Variants in USP28 observed in about 807,000 individuals in gnomAD.
USP28 encodes ubiquitin carboxyl-terminal hydrolase 28.
A neutral mutation model predicts 145.0 loss-of-function variants in USP28; 113 were observed. The ratio of observed to expected loss-of-function variants is 0.78; its 90% confidence interval spans 0.67 to 0.91. The LOEUF is 0.91. Ranked by LOEUF, USP28 falls within the 40% of genes least tolerant of loss-of-function variation. The probability of loss-of-function intolerance (pLI) is 0.00; values close to 1 mark genes in which losing one functional copy is unlikely to be tolerated. For synonymous variants in USP28, 447 were observed against 450.9 expected (o/e 0.99, Z 0.11); for missense variants, 1,201 against 1,289.6 (o/e 0.93, Z 1.05).
chr11:113,865,262 T>A (rs1948143402), intron 1 of USP28, among the ~76,000 whole-genome samples: 1 of 152,172 alleles, frequency 6.6e-6, no homozygotes, highest in Non-Finnish European at 1.5e-5. Context: ...CGGGGAACTC[T>A]AGTGAAAACC....
intron 12 of USP28, chr11:113,820,983 G>A: frequency 5.8e-6 from 1 of 173,338 alleles, no homozygotes; most frequent in South Asian, 1.4e-4. Context: ...TCCCAATTCA[G>A]CAGATTCTTG....
chr11:113,834,176 A>T, intron 6 of USP28, 73 bp downstream of exon 6: 1 of 1,154,194 alleles, frequency 8.7e-7, no homozygotes. Flanking sequence ...TATCAGCTTT[A>T]GGCAAAAATC....
intron 3 of USP28, among the ~76,000 whole-genome samples, chr11:113,849,737 TTC>T (rs1024817840): frequency 6.6e-6 from 1 of 152,166 alleles, no homozygotes; most frequent in African/African-American, 2.4e-5. Flanking sequence ...ATAAGAACTG[TTC>T]TGTCTGCCAG....
intron 19 of USP28, 95 bp downstream of exon 20, chr11:113,806,394 C>T: frequency 9.4e-7 from 1 of 1,061,102 alleles, no homozygotes; most frequent in Non-Finnish European, 1.4e-6. Flanking sequence ...CCACCACACC[C>T]AGCCTTAACC....
intron 3 of USP28, among the ~76,000 whole-genome samples, chr11:113,844,742 A>G (rs1161889933): frequency 1.3e-5 from 2 of 150,992 alleles, no homozygotes; most frequent in African/African-American, 4.8e-5. Flanking sequence ...TCAAAAAATA[A>G]TATTAATAAT....
chr11:113,817,828 T>C, exon 13 of USP28: 2 of 1,614,146 alleles, frequency 1.2e-6, no homozygotes, highest in Non-Finnish European at 8.5e-7. Flanking sequence ...CTGAGCCATA[T>C]TTCACATACC....
intron 13 of USP28, among the ~76,000 whole-genome samples, chr11:113,815,904 A>G (rs1471541888): frequency 6.6e-6 from 1 of 152,228 alleles, no homozygotes; most frequent in Non-Finnish European, 1.5e-5. Flanking sequence ...ACAGGAATAC[A>G]CACTAGGTGA....
chr11:113,841,885 G>C lies in USP28; in HGVS notation c.269-117C>G, dbSNP rs949817871. 5.3e-5 allele frequency: 31 copies of C among 579,826 alleles called. No homozygotes were observed. In the East Asian group the frequency reaches 9.4e-4, roughly 18 times the overall value. The allele number at this position is 579,826 out of a possible 1,614,324, so 35.9% of individuals were successfully genotyped here. ...TTCACTACAACAATGGCTCAACTGT[G>C]TAACAATTTTATTACCCTACTGCAT... On this transcript the variant is annotated intron_variant, in intron 3 of 24. Coordinates refer to ENST00000003302, the Ensembl canonical transcript of USP28.
At chr11:113,833,661 C>T (rs1330943672) in intron 6 of USP28, 104 bp from the exon 7 acceptor site, 38 of 1,174,456 alleles carry the variant, frequency 3.2e-5, no homozygotes, top group Non-Finnish European at 4.5e-5. Context: ...TTTATATTTA[C>T]CTAGATCTAG....
At chr11:113,858,250 T>C (rs1055955534) in intron 1 of USP28, among the ~76,000 whole-genome samples, 1 of 152,204 alleles carries the variant, frequency 6.6e-6, no homozygotes, top group Non-Finnish European at 1.5e-5. Flanking sequence ...ATGTTCTACA[T>C]GGAAATTCAA....
chr11:113,826,337 ATTTTTTTTTTTTTTTTTTTT>A (rs71063527), intron 11 of USP28, among the ~76,000 whole-genome samples: 1 of 50,736 alleles, frequency 2.0e-5, no homozygotes, highest in Non-Finnish European at 3.3e-5. Context: ...CACCACACCC[ATTTTTTTTTTTTTTTTTTTT>A]TTTTTTTTTG....
intron 18 of USP28, among the ~76,000 whole-genome samples, chr11:113,807,022 G>C (rs1002991096): frequency 2.0e-5 from 3 of 151,882 alleles, no homozygotes; most frequent in African/African-American, 7.3e-5. Context: ...AAAATAGTCT[G>C]GAAACTAGCG....
At chr11:113,806,788 C>A (rs1940054831) in intron 18 of USP28, among the ~76,000 whole-genome samples, 1 of 152,148 alleles carries the variant, frequency 6.6e-6, no homozygotes, top group Non-Finnish European at 1.5e-5. Flanking sequence ...CAACACCCTG[C>A]CCAAGACAAG....
intron 22 of USP28, 26 bp from the exon 24 acceptor site, chr11:113,803,307 A>G: frequency 6.3e-7 from 1 of 1,586,970 alleles, no homozygotes; most frequent in East Asian, 2.3e-5. Flanking sequence ...GATAAACAAC[A>G]GCTGAGTGCT....
intron 2 of USP28, among the ~76,000 whole-genome samples, chr11:113,853,626 A>T (rs1446640200): frequency 6.6e-6 from 1 of 152,004 alleles, no homozygotes; most frequent in Non-Finnish European, 1.5e-5. Context: ...TGTAATCCCA[A>T]CACTGTGGGA....
At chr11:113,840,536 T>G in intron 5 of USP28, 62 bp downstream of exon 5, 2 of 1,558,832 alleles carry the variant, frequency 1.3e-6, no homozygotes, top group Non-Finnish European at 8.7e-7. Flanking sequence ...TTTCTACATT[T>G]CAGTTTAATA....
intron 1 of USP28, among the ~76,000 whole-genome samples, chr11:113,866,496 T>C (rs1362909845): frequency 1.3e-5 from 2 of 152,202 alleles, no homozygotes; most frequent in East Asian, 3.8e-4. Flanking sequence ...CTTAAAAAGA[T>C]ATTTCTCCAA....
At chr11:113,806,565 A>G in exon 19 of USP28, 1 of 1,589,344 alleles carries the variant, frequency 6.3e-7, no homozygotes, top group South Asian at 1.1e-5. Context: ...GACCCCTTGC[A>G]TGGCAGGGCT....
At chr11:113,802,314 C>A (rs1428622738) in intron 23 of USP28, among the ~76,000 whole-genome samples, 1 of 152,200 alleles carries the variant, frequency 6.6e-6, no homozygotes, top group Non-Finnish European at 1.5e-5. Context: ...AGTGGCCCTG[C>A]CACACCTATA....
Sources: gnomAD v4.1 joint callset for allele counts (sites outside exome capture counted in the v4.1 genomes callset) on GRCh38, gnomAD v4.1.1 for gene constraint, MANE v1.5 for transcripts, NCBI Gene and HGNC (gene_info 2026-07-23, HGNC 2026-07-21) for gene names.